The following BRPF1 variants were observed in gnomAD, a reference collection of about 807,000 sequenced individuals.
BRPF1 encodes the protein bromodomain and PHD finger containing 1, also known as peregrin.
In BRPF1, 15 loss-of-function variants were observed where a neutral mutation model predicts 115.0. That is an observed-to-expected ratio of 0.13 (90% CI 0.09 to 0.20). BRPF1 has a LOEUF of 0.20. Among genes scored for constraint, BRPF1 ranks in the 10% least tolerant of loss-of-function variants. BRPF1 has a pLI of 1.00. For missense variants in BRPF1, 1,118 were observed against 1,638.3 expected (o/e 0.68, Z 5.48); for synonymous variants, 647 against 619.8 (o/e 1.04, Z -0.65).
At position 9,739,600 on chromosome 3, in the gene BRPF1, C is replaced by A; in HGVS notation, c.1201C>A (p.His401Asn). The A allele has an allele frequency of 6.2e-7, 1 of 1,610,708 alleles. No homozygotes were observed. Among genetic ancestry groups the A allele is most frequent in the South Asian group, 1.1e-5 (1 of 91,024 alleles). ...QRGSGACIQC[H>N]KANCYTAFHV... ...GGGCTCAGGGGCCTGCATCCAGTGC[C>A]ACAAGGCCAACTGTTACACAGCTTT... Residue 401 changes from histidine (H) to asparagine (N), a missense_variant, in exon 3 of 14, where the codon CAC becomes AAC. His to Asn is a moderately conservative substitution (Grantham distance 68). Transcript: ENST00000383829.
intron 2 of BRPF1, among the ~76,000 whole-genome samples, chr3:9,737,915 G>T (rs2076968606): frequency 6.6e-6 from 1 of 152,142 alleles, no homozygotes; most frequent in South Asian, 2.1e-4. Flanking sequence ...GTTTCTTTGT[G>T]AGTGGGTAGT....
chr3:9,745,423 C>T lies in BRPF1; in HGVS notation c.3069-150C>T, dbSNP rs545384768. The T allele has an allele frequency of 7.8e-6, 8 of 1,026,430 alleles. No individual in the cohort carries two copies. The highest frequency in any genetic ancestry group is 6.5e-5 in the African/African-American group (4 of 61,946). 63.6% of individuals were successfully genotyped at this position (1,026,430 alleles called of 1,614,324 possible). Reference sequence around the variant, plus strand: ...ACCTCTGTTAGGTCATCAGCCTAGCCCCTGTGGGTGTTTGAATTTGAAATT... The same window carrying T: ...ACCTCTGTTAGGTCATCAGCCTAGCTCCTGTGGGTGTTTGAATTTGAAATT... On this transcript the variant is annotated intron_variant, in intron 10 of 13. Transcript: ENST00000383829. The surrounding 1 kb of genome is among the most constrained non-coding windows in gnomAD (Gnocchi z 5.1).
At chr3:9,735,662 A>G (rs2076927949) in intron 2 of BRPF1, among the ~76,000 whole-genome samples, 1 of 152,222 alleles carries the variant, frequency 6.6e-6, no homozygotes, top group African/African-American at 2.4e-5. Context: ...GCAGTATTTT[A>G]TACTTAAACA....
rs773697981 is a variant in BRPF1 at position 9,745,695 on chromosome 3, G to T, written c.3191G>T (p.Gly1064Val). The part of the protein sequence containing the change: ...NEAYSVGTGR[G>V]VGHSMVRKSL... ...GCCTACTCCGTGGGCACTGGCCGCG[G>T]CGTGGGCCACAGCAGTAAGTTCCCT... The change falls in exon 11 of 14, where the codon GGC becomes GTC. Residue 1064 changes from glycine (G) to valine (V), a missense_variant. Transcript: ENST00000383829. This position sits in a 1 kb window ranked among gnomAD's most constrained non-coding sequence, Gnocchi z 5.1. 3.1e-6 allele frequency: 5 copies of T among 1,614,094 alleles called. No individual in the cohort carries two copies. Among genetic ancestry groups the T allele is most frequent in the Non-Finnish European group, 3.4e-6 (4 of 1,180,002 alleles).
chr3:9,744,982 C>T (rs1030689374), intron 9 of BRPF1, 26 bp from the exon 10 acceptor site: 9 of 1,614,026 alleles, frequency 5.6e-6, no homozygotes, highest in African/African-American at 1.3e-5. Flanking sequence ...CCGGTTCCTT[C>T]CCTCCTCCCC....
In BRPF1 at chr3:9,745,547, C is replaced by A. The variant is rs558321173; in HGVS notation, c.3069-26C>A. ...TTCCCCATTCTTCCCCTCCTTTGAGCTGAGCTCCCATTGTCTTGTCCACAG... is the reference window on the plus strand; with the variant it reads ...TTCCCCATTCTTCCCCTCCTTTGAGATGAGCTCCCATTGTCTTGTCCACAG... On this transcript the variant is annotated intron_variant, in intron 10 of 13. Coordinates refer to ENST00000383829, the MANE Select transcript of BRPF1 (RefSeq NM_001003694.2). This position sits in a 1 kb window ranked among gnomAD's most constrained non-coding sequence, Gnocchi z 5.1. The A allele has an allele frequency of 6.2e-7, 1 of 1,611,084 alleles. No individual in the cohort carries two copies. The highest frequency in any genetic ancestry group is 1.3e-5 in the African/African-American group (1 of 74,864).
intron 1 of BRPF1, chr3:9,732,361 C>T (rs1196591153): frequency 6.6e-6 from 1 of 152,280 alleles, no homozygotes; most frequent in Non-Finnish European, 1.5e-5. Context: ...ACTTGTTACA[C>T]TTCCACAAAG....
rs1162500417 is a variant in BRPF1, at chr3:9,743,589, G to C, written c.2323G>C (p.Glu775Gln). The C allele has an allele frequency of 1.2e-6, 2 of 1,612,380 alleles. No individual in the cohort carries two copies. The highest frequency in any genetic ancestry group is 1.7e-6 in the Non-Finnish European group (2 of 1,179,156). Residue 775 changes from glutamate to glutamine, a missense_variant, in exon 8 of 14, where the codon GAG becomes CAG. Coordinates refer to ENST00000383829, the MANE Select transcript of BRPF1 (RefSeq NM_001003694.2). The surrounding 1 kb of genome is among the most constrained non-coding windows in gnomAD (Gnocchi z 6.1). Reference sequence around the variant, plus strand: ...AACCCTACCCCTAGCAGCCGAGGAAGAGCGGCTGGTCTTGCTGGAGAACCA... The same window carrying C: ...AACCCTACCCCTAGCAGCCGAGGAACAGCGGCTGGTCTTGCTGGAGAACCA... ...THHTEDAAEE[E>Q]RLVLLENQKH...
rs150922097 is a variant in BRPF1 at position 9,739,384 on chromosome 3, G to A, written c.985G>A (p.Asp329Asn). Residue 329 changes from aspartate (D) to asparagine (N), a missense_variant, in exon 3 of 14, where the codon GAT becomes AAT. By Grantham distance (23) the Asp-to-Asn change is conservative. This residue lies in a region of BRPF1 where 64 missense variants were observed against 172.8 expected (regional missense o/e 0.37). Transcript: ENST00000383829. Reference protein sequence around the residue: ...RCLQSPSRAVDCALCPNKGGA... With the variant: ...RCLQSPSRAVNCALCPNKGGA... Reference sequence around the variant, plus strand: ...CCTGCAGTCACCCTCTCGTGCTGTGGATTGTGCCCTGTGCCCCAACAAGGG... The same window carrying A: ...CCTGCAGTCACCCTCTCGTGCTGTGAATTGTGCCCTGTGCCCCAACAAGGG... 7 of 1,614,074 alleles carry A rather than the reference G, an allele frequency of 4.3e-6. No individual in the cohort carries two copies. The highest frequency in any genetic ancestry group is 5.9e-6 in the Non-Finnish European group (7 of 1,180,046).
rs2076912673 is a variant in BRPF1, at chr3:9,734,780, A to G, written c.599+41A>G. 1.9e-6 allele frequency: 3 copies of G among 1,603,766 alleles called. No homozygotes were observed. Among genetic ancestry groups the G allele is most frequent in the Non-Finnish European group, 1.7e-6 (2 of 1,172,274 alleles). The stretch of plus-strand genomic sequence containing the variant: ...CCTTGCAGCTCTGGAAAACTGGTCA[A>G]GCAGGGCTCACTAGCCAGAGAGAGG... On this transcript the variant is annotated intron_variant, in intron 2 of 13. Coordinates refer to ENST00000383829, the MANE Select transcript of BRPF1 (RefSeq NM_001003694.2). This position sits in a 1 kb window ranked among gnomAD's most constrained non-coding sequence, Gnocchi z 5.7.
chr3:9,746,509 T>A (rs988200820), intron 13 of BRPF1, 55 bp downstream of exon 13: 1 of 1,453,866 alleles, frequency 6.9e-7, no homozygotes, highest in African/African-American at 1.4e-5. Context: ...CCCTGTGTGG[T>A]ATGGGGGCAG....
At chr3:9,740,495 C>T (rs1255286039) in intron 3 of BRPF1, among the ~76,000 whole-genome samples, 1 of 152,140 alleles carries the variant, frequency 6.6e-6, no homozygotes, top group Non-Finnish European at 1.5e-5. Flanking sequence ...AAATAGTACT[C>T]TGGGCTGCAG....
rs2077065123 is a variant in BRPF1 at position 9,743,417 on chromosome 3, G to T, written c.2312-161G>T. ...CCCAAGAAGCCAGACTGGGTGAATG[G>T]ATAGCAGTGCCCGCCATTCCACATC... On this transcript the variant is annotated intron_variant, in intron 7 of 13. Transcript: ENST00000383829. The surrounding 1 kb of genome is among the most constrained non-coding windows in gnomAD (Gnocchi z 6.1). 1 of 1,201,704 alleles carries T rather than the reference G, an allele frequency of 8.3e-7. No homozygotes were observed. Among genetic ancestry groups the T allele is most frequent in the African/African-American group, 1.5e-5 (1 of 65,016 alleles). The allele number at this position is 1,201,704 out of a possible 1,614,324, so 74.4% of individuals were successfully genotyped here.
At chr3:9,736,287 T>G (rs929513075) in intron 2 of BRPF1, among the ~76,000 whole-genome samples, 1 of 152,176 alleles carries the variant, frequency 6.6e-6, no homozygotes, top group East Asian at 1.9e-4. Context: ...ATGACAGGCA[T>G]GAGCCACCGC....
rs754105866 is a variant in BRPF1, at chr3:9,740,958, C to G, written c.1722+17C>G. The stretch of plus-strand genomic sequence containing the variant: ...CAAGTTGGGGTACTGTGTCCAGTTC[C>G]CTGTGGGCTCTGGGAACTAGCGCCA... On this transcript the variant is annotated intron_variant, in intron 4 of 13. Coordinates refer to ENST00000383829, the MANE Select transcript of BRPF1 (RefSeq NM_001003694.2). 6 of 1,603,694 alleles carry G rather than the reference C, an allele frequency of 3.7e-6. No individual in the cohort carries two copies. The African/African-American group carries it at 8.0e-5, about 21-fold the overall frequency.
At chr3:9,733,459 C>T (rs1368032476) in intron 1 of BRPF1, 1 of 152,278 alleles carries the variant, frequency 6.6e-6, no homozygotes, top group Non-Finnish European at 1.5e-5. Context: ...ACCCTTGCTA[C>T]ACAGCTCCCA....
At chr3:9,742,483 A>G (rs1344047984) in intron 6 of BRPF1, 1 of 985,296 alleles carries the variant, frequency 1.0e-6, no homozygotes, top group Non-Finnish European at 1.2e-6. Context: ...AAGGCTCAGC[A>G]CCTAAAGAAC....
chr3:9,744,563 C>T (rs1253650027), intron 9 of BRPF1, 55 bp downstream of exon 9: 12 of 1,309,972 alleles, frequency 9.2e-6, no homozygotes, highest in African/African-American at 1.5e-5. Context: ...TGCCATTCTT[C>T]CCAGCATACT....
In BRPF1 at chr3:9,745,674, A is replaced by G. The variant is rs777395232; in HGVS notation, c.3170A>G (p.Tyr1057Cys). 6.2e-7 allele frequency: 1 copy of G among 1,614,172 alleles called. No homozygotes were observed. The highest frequency in any genetic ancestry group is 1.6e-4 in the Middle Eastern group (1 of 6,062). ...ACCTCAGGCACTGAGAATGAGGCCTACTCCGTGGGCACTGGCCGCGGCGTG... is the reference window on the plus strand; with the variant it reads ...ACCTCAGGCACTGAGAATGAGGCCTGCTCCGTGGGCACTGGCCGCGGCGTG... The part of the protein sequence containing the change: ...EDTSGTENEA[Y>C]SVGTGRGVGH... Residue 1057 changes from tyrosine (Y) to cysteine (C), a missense_variant, in exon 11 of 14, where the codon TAC becomes TGC. Physicochemically the swap from Tyr to Cys is radical, Grantham distance 194. Around this residue, in one of 10 missense-constraint regions of BRPF1, gnomAD observed 100 missense variants for 109.9 expected, o/e 0.91. Coordinates refer to ENST00000383829, the MANE Select transcript of BRPF1 (RefSeq NM_001003694.2). This position sits in a 1 kb window ranked among gnomAD's most constrained non-coding sequence, Gnocchi z 5.1.
Sources: allele counts gnomAD v4.1 joint callset (sites outside exome capture counted in the v4.1 genomes callset), GRCh38; gene constraint gnomAD v4.1.1; regional missense constraint gnomAD v4.1.1; non-coding constraint Gnocchi (gnomAD v3.1); transcripts MANE v1.5; gene names NCBI Gene and HGNC (gene_info 2026-07-23, HGNC 2026-07-21).